ZNF713: variants seen among roughly 807,000 people sequenced by gnomAD.
The protein encoded by ZNF713 is zinc finger protein 713.
In ZNF713, 21 loss-of-function variants were observed where a neutral mutation model predicts 28.7. The observed-to-expected ratio is 0.73, with a 90% CI of 0.52 to 1.05. The LOEUF (loss-of-function observed/expected upper bound fraction) is 1.05. ZNF713 is among the 50% of genes least tolerant of loss of function. The pLI, the probability that ZNF713 is intolerant of heterozygous loss-of-function variation, is 0.00. For missense variants in ZNF713, 458 were observed against 532.4 expected, an observed-to-expected ratio of 0.86 and a Z score of 1.37; for synonymous variants, 167 against 178.0, an observed-to-expected ratio of 0.94 and a Z score of 0.49.
chr7:55,931,284 C>CA (rs34625478), intron 6 of ZNF713, among the ~76,000 whole-genome samples: 6,680 of 140,016 alleles, frequency 0.048, 171 homozygotes, highest in Admixed American at 0.068. Context: ...AAAACTGTCT[C>CA]AAAAAAAAAA....
chr7:55,889,694 T>TTA (rs1554334827), intron 1 of ZNF713, among the ~76,000 whole-genome samples: 6 of 151,956 alleles, frequency 3.9e-5, no homozygotes, highest in South Asian at 2.1e-4. Context: ...ACTTTTTTTT[T>TTA]ACCCCCAAAA....
chr7:55,939,607 A>G lies in ZNF713; in HGVS notation c.933A>G (p.Glu311=). Residue 311 remains glutamate (E), a synonymous_variant, in exon 7 of 7, where the codon GAA becomes GAG. Transcript: ENST00000429591. ...AACATCAGAGAATTCACACAGGAGA[A>G]AAGCCTTTTATATGCAATGGATGTG... ...LIQHQRIHTG[E]KPFICNGCGK... 2.5e-6 allele frequency: 4 copies of G among 1,614,182 alleles called. No individual in the cohort carries two copies. Among genetic ancestry groups the G allele is most frequent in the Non-Finnish European group, 3.4e-6 (4 of 1,180,038 alleles).
chr7:55,920,840 C>T (rs897914456), intron 4 of ZNF713, among the ~76,000 whole-genome samples: 3 of 151,980 alleles, frequency 2.0e-5, no homozygotes, highest in Non-Finnish European at 2.9e-5. Context: ...AGGCTGGTCT[C>T]GAGCTCCTGA....
chr7:55,911,459 G>T (rs1307717798), intron 2 of ZNF713, among the ~76,000 whole-genome samples, 157 bp from the exon 3 acceptor site: 1 of 152,138 alleles, frequency 6.6e-6, no homozygotes, highest in South Asian at 2.1e-4. Flanking sequence ...GTGAATCTGA[G>T]AAATTCTAAA....
chr7:55,923,769 T>A, intron 6 of ZNF713, 70 bp downstream of exon 6: 1 of 1,233,636 alleles, frequency 8.1e-7, no homozygotes, highest in South Asian at 1.3e-5. Context: ...CTCAGTGGAG[T>A]GTTCCAAAAA....
rs1282211540 is a variant in ZNF713, at chr7:55,941,161, TA to T, written c.*1158del. ...TTTTAAATCAGAAATTTTGATTAATTAAAGACAATGCTGGCTGGGGGCGGTG... is the reference window on the plus strand; with the variant it reads ...TTTTAAATCAGAAATTTTGATTAATTAAGACAATGCTGGCTGGGGGCGGTG... On this transcript the variant is annotated 3_prime_UTR_variant, in exon 7 of 7. Transcript: ENST00000429591. 6.7e-6 allele frequency: 1 copy of T among 149,576 alleles called. No individual in the cohort carries two copies. Among genetic ancestry groups the T allele is most frequent in the Non-Finnish European group, 1.5e-5 (1 of 67,350 alleles). 9.3% of individuals were successfully genotyped at this position (149,576 alleles called of 1,614,324 possible).
intron 4 of ZNF713, among the ~76,000 whole-genome samples, chr7:55,919,219 C>T (rs1785939034): frequency 1.3e-5 from 2 of 152,156 alleles, no homozygotes; most frequent in Admixed American, 6.5e-5. Context: ...TCTGTCCAAG[C>T]AGCAAATGAT....
rs1219469556 is a variant in ZNF713, at chr7:55,939,492, T to G, written c.818T>G (p.Leu273Arg). 1 of 1,614,104 alleles carries G rather than the reference T, an allele frequency of 6.2e-7. No individual in the cohort carries two copies. The change falls in exon 7 of 7, where the codon CTT becomes CGT. Residue 273 changes from leucine (L) to arginine (R), a missense_variant. Physicochemically the swap from Leu to Arg is moderately radical, Grantham distance 102. Coordinates refer to ENST00000429591, the MANE Select transcript of ZNF713 (RefSeq NM_182633.3). ...CGKAFSHTSS[L>R]SQPQMLLTGE... is the part of the protein sequence containing the mutation. ...AAGGCCTTCAGCCACACCTCATCTC[T>G]TAGCCAGCCTCAGATGTTGCTTACA...
Position 55,923,619 on chromosome 7 carries a change from G to A in ZNF713, c.227G>A (p.Cys76Tyr). 1 of 1,604,606 alleles carries A rather than the reference G, an allele frequency of 6.2e-7. No individual in the cohort carries two copies. The highest frequency in any genetic ancestry group is 8.5e-7 in the Non-Finnish European group (1 of 1,175,036). Residue 76 changes from cysteine to tyrosine, a missense_variant, in exon 6 of 7, where the codon TGT (cysteine) becomes TAT (tyrosine). Coordinates refer to ENST00000429591, the MANE Select transcript of ZNF713 (RefSeq NM_182633.3). ...RNLVALGYQL[C>Y]KPEVIAQLEL... ...CTCCTGTGAATAGGGTATCAGCTTT[G>A]TAAGCCAGAGGTAATCGCGCAGTTG...
Position 55,930,788 on chromosome 7 carries a change from C to T in ZNF713, c.307+7089C>T, listed in dbSNP as rs535262754. On this transcript the variant is annotated intron_variant, in intron 6 of 6. Coordinates refer to ENST00000429591, the MANE Select transcript of ZNF713 (RefSeq NM_182633.3). ...AATAAAACAACCAAAAAACCATTGT[C>T]TGTGGATTCTTTCACCCTGCAACAG... Among the ~76,000 whole-genome samples the T allele has an allele frequency of 3.9e-5, 6 of 152,002 alleles. No individual in the cohort carries two copies. In the South Asian group the frequency reaches 8.3e-4, roughly 21 times the overall value.
chr7:55,901,650 G>A (rs1390764946), intron 1 of ZNF713, among the ~76,000 whole-genome samples: 1 of 152,200 alleles, frequency 6.6e-6, no homozygotes, highest in Non-Finnish European at 1.5e-5. Context: ...ACAGGTGCTG[G>A]AGGTTGCCAT....
At chr7:55,893,570 T>G (rs1562734498) in intron 1 of ZNF713, among the ~76,000 whole-genome samples, 1 of 152,028 alleles carries the variant, frequency 6.6e-6, no homozygotes, top group African/African-American at 2.4e-5. Context: ...AGCATTCCTG[T>G]TTTTTGTTGT....
chr7:55,922,279 G>C (rs765172824), intron 4 of ZNF713, among the ~76,000 whole-genome samples: 1 of 152,152 alleles, frequency 6.6e-6, no homozygotes, highest in Admixed American at 6.5e-5. Context: ...GTGGCTTAAC[G>C]CCTGTAATCC....
Position 55,892,055 on chromosome 7 carries a change from G to A in ZNF713, c.-583+4375G>A, listed in dbSNP as rs536071843. ...AGCACTTTGAGAGGCCTAGGCAGGC[G>A]GATCACGAGGTCAGGAGATCGAGAC... On this transcript the variant is annotated intron_variant, in intron 1 of 6. Coordinates refer to ENST00000429591, the MANE Select transcript of ZNF713 (RefSeq NM_182633.3). 7.2e-5 allele frequency among the ~76,000 whole-genome samples: 11 copies of A among 152,044 alleles called. No homozygotes were observed. The South Asian group carries it at 8.3e-4, about 11-fold the overall frequency.
chr7:55,936,733 C>T (rs1387704723), intron 6 of ZNF713, among the ~76,000 whole-genome samples: 1 of 152,022 alleles, frequency 6.6e-6, no homozygotes, highest in Non-Finnish European at 1.5e-5. Flanking sequence ...AAGGTATCAT[C>T]GGTGTTTCCT....
intron 1 of ZNF713, among the ~76,000 whole-genome samples, chr7:55,905,083 C>G (rs116816545): frequency 1.4e-3 from 214 of 152,246 alleles, no homozygotes; most frequent in African/African-American, 4.9e-3. Context: ...CAGTCTAGAT[C>G]CCACTGTCTA....
chr7:55,931,042 C>T (rs1384472291), intron 6 of ZNF713, among the ~76,000 whole-genome samples: 2 of 152,120 alleles, frequency 1.3e-5, no homozygotes, highest in South Asian at 2.1e-4. Flanking sequence ...AATCCCAGCA[C>T]TTGGGAGACG....
intron 4 of ZNF713, chr7:55,918,171 T>A (rs1785920736): frequency 2.2e-6 from 1 of 454,528 alleles, no homozygotes; most frequent in African/African-American, 2.0e-5. Flanking sequence ...GGATGCTTAC[T>A]CTAAACCCGA....
intron 6 of ZNF713, among the ~76,000 whole-genome samples, chr7:55,935,179 G>A (rs1427055875): frequency 1.3e-5 from 2 of 151,964 alleles, no homozygotes; most frequent in African/African-American, 4.8e-5. Context: ...GTGAGCCACC[G>A]TGCCTGGACT....
Sources: gnomAD v4.1 joint callset for allele counts (sites outside exome capture counted in the v4.1 genomes callset) on GRCh38, gnomAD v4.1.1 for gene constraint, MANE v1.5 for transcripts, NCBI Gene and HGNC (gene_info 2026-07-23, HGNC 2026-07-21) for gene names.